UPP2: variants seen among roughly 807,000 people sequenced by gnomAD.
The protein encoded by UPP2 is UPase 2.
In UPP2, 23 loss-of-function variants were observed where a neutral mutation model predicts 26.7. The observed-to-expected ratio is 0.86, with a 90% CI of 0.62 to 1.22. UPP2 has a LOEUF of 1.22. Ranked by LOEUF, UPP2 falls within the 50% of genes most tolerant of loss-of-function variation. UPP2 has a pLI of 0.00. For missense variants in UPP2, 387 were observed against 396.7 expected (o/e 0.98, Z 0.21); for synonymous variants, 127 against 141.3 (o/e 0.90, Z 0.72).
chr2:158,052,554 G>T (rs944453296), intron 3 of UPP2, among the ~76,000 whole-genome samples: 2 of 152,176 alleles, frequency 1.3e-5, no homozygotes, highest in Non-Finnish European at 2.9e-5. Flanking sequence ...GGTATTGAAT[G>T]ACTGAATTGG....
At chr2:158,115,367 A>G in intron 3 of UPP2, 108 bp downstream of exon 3, 2 of 1,348,968 alleles carry the variant, frequency 1.5e-6, no homozygotes, top group African/African-American at 1.5e-5. Context: ...TTCTTACACA[A>G]TCAAACAAGG....
At chr2:158,108,500 T>C (rs2105216447) in intron 2 of UPP2, among the ~76,000 whole-genome samples, 1 of 152,264 alleles carries the variant, frequency 6.6e-6, no homozygotes, top group Middle Eastern at 3.4e-3. Context: ...TTTTTAGTAC[T>C]CCAAGTATTA....
At chr2:157,996,455 T>C (rs1683325805) in intron 2 of UPP2, among the ~76,000 whole-genome samples, 1 of 152,214 alleles carries the variant, frequency 6.6e-6, no homozygotes, top group Non-Finnish European at 1.5e-5. Flanking sequence ...AAGTCAGTGT[T>C]AGTCATGTTG....
chr2:158,089,165 G>T lies in UPP2; in HGVS notation c.148-12875G>T, dbSNP rs369916407. 2.6e-5 allele frequency among the ~76,000 whole-genome samples: 4 copies of T among 152,190 alleles called. No homozygotes were observed. In the East Asian group the frequency reaches 5.8e-4, roughly 22 times the overall value. The stretch of plus-strand genomic sequence containing the variant: ...CTTGTGGGGTCTTGCAGTGGCTGCT[G>T]GGGGGATAGGGGTGTGGTTCTCAGG... On this transcript the variant is annotated intron_variant, in intron 3 of 9. Transcript: ENST00000605860.
chr2:158,030,141 T>C (rs1683902613), intron 3 of UPP2, among the ~76,000 whole-genome samples: 1 of 152,182 alleles, frequency 6.6e-6, no homozygotes, highest in Non-Finnish European at 1.5e-5. Flanking sequence ...CAATGTGCTC[T>C]GGACAAGTTG....
At chr2:158,033,934 C>T (rs1683963207) in intron 3 of UPP2, among the ~76,000 whole-genome samples, 1 of 152,130 alleles carries the variant, frequency 6.6e-6, no homozygotes, top group Admixed American at 6.5e-5. Flanking sequence ...CAAAGACAAC[C>T]AGATGTTTTG....
rs767215959 is a variant in UPP2 at position 158,115,073 on chromosome 2, G to C, written c.181-28G>C. The C allele has an allele frequency of 2.5e-6, 4 of 1,572,362 alleles. No individual in the cohort carries two copies. In the East Asian group the frequency reaches 9.0e-5, roughly 35 times the overall value. ...CGTGGTTCTTATCCCAGTTACTATG[G>C]CAGGCCCTTGTTTATTTTTATTAAC... On this transcript the variant is annotated intron_variant, in intron 2 of 6. Coordinates refer to ENST00000005756, the MANE Select transcript of UPP2 (RefSeq NM_173355.4).
intron 3 of UPP2, among the ~76,000 whole-genome samples, chr2:158,055,148 G>A (rs922264820): frequency 3.3e-5 from 5 of 152,198 alleles, no homozygotes; most frequent in South Asian, 2.1e-4. Context: ...TTGAAGGGTC[G>A]CATCTGGTGA....
At chr2:158,126,784 T>C (rs1332080605) in intron 6 of UPP2, 1 of 152,074 alleles carries the variant, frequency 6.6e-6, no homozygotes, top group South Asian at 2.1e-4. Context: ...TGGTAAGCAA[T>C]ATGGAAAAAA....
chr2:158,028,632 AC>A (rs1683872995), intron 3 of UPP2, among the ~76,000 whole-genome samples: 1 of 152,122 alleles, frequency 6.6e-6, no homozygotes, highest in Non-Finnish European at 1.5e-5. Context: ...TTTCAGCAAC[AC>A]CCCATTTCTG....
intron 3 of UPP2, among the ~76,000 whole-genome samples, chr2:158,048,126 C>A (rs1682069579): frequency 6.6e-6 from 1 of 152,174 alleles, no homozygotes; most frequent in Admixed American, 6.5e-5. Flanking sequence ...GGGCACTAAA[C>A]AGTACTAGAC....
Position 158,013,012 on chromosome 2 carries a change from A to AT in UPP2, c.62-2778dup, listed in dbSNP as rs555978645. On this transcript the variant is annotated intron_variant, in intron 2 of 9. Coordinates refer to the UPP2 transcript ENST00000605860. ...TCGAATTTAAGCTATTGTTATTATT[A>AT]TTTTTTTTTTTGAAATAGATTCTTG... Among the ~76,000 whole-genome samples the AT allele has an allele frequency of 1.3e-3, 199 of 148,542 alleles. 5 individuals are homozygous for AT. In the South Asian group the frequency reaches 0.021, roughly 16 times the overall value.
chr2:158,081,803 C>A (rs560716251), intron 3 of UPP2, among the ~76,000 whole-genome samples: 2 of 149,930 alleles, frequency 1.3e-5, no homozygotes, highest in African/African-American at 2.5e-5. Flanking sequence ...TTACCAGAGG[C>A]TAAAAGGGGT....
chr2:157,997,946 A>G (rs1683347635), intron 2 of UPP2, among the ~76,000 whole-genome samples: 1 of 152,222 alleles, frequency 6.6e-6, no homozygotes, highest in African/African-American at 2.4e-5. Flanking sequence ...CATGCCCCAA[A>G]CATTTCAAGA....
intron 2 of UPP2, among the ~76,000 whole-genome samples, chr2:158,011,625 G>A (rs1370812492): frequency 6.6e-6 from 1 of 151,276 alleles, no homozygotes; most frequent in Non-Finnish European, 1.5e-5. Flanking sequence ...GAGGATGTAG[G>A]GTCATGTGAA....
At chr2:158,006,968 G>A (rs547844745) in intron 2 of UPP2, among the ~76,000 whole-genome samples, 10 of 152,202 alleles carry the variant, frequency 6.6e-5, no homozygotes, top group Non-Finnish European at 1.0e-4. Context: ...GCAAAGCCTA[G>A]TGAGGAGATT....
intron 3 of UPP2, among the ~76,000 whole-genome samples, chr2:158,072,004 G>A (rs1682550354): frequency 6.6e-6 from 1 of 152,158 alleles, no homozygotes; most frequent in African/African-American, 2.4e-5. Flanking sequence ...CTACAGTAGA[G>A]TAGAATATCA....
chr2:158,090,884 C>T (rs554796107), intron 3 of UPP2, among the ~76,000 whole-genome samples: 2 of 152,278 alleles, frequency 1.3e-5, no homozygotes, highest in African/African-American at 4.8e-5. Flanking sequence ...AGGATGTATA[C>T]ACAGGGTCCT....
chr2:158,067,212 G>T (rs1029081768), intron 3 of UPP2, among the ~76,000 whole-genome samples: 31 of 152,046 alleles, frequency 2.0e-4, no homozygotes, highest in Non-Finnish European at 5.9e-5. Context: ...TGATAAAATG[G>T]TGATGTGTAT....
Sources: gnomAD v4.1 joint callset for allele counts (sites outside exome capture counted in the v4.1 genomes callset) on GRCh38, gnomAD v4.1.1 for gene constraint, MANE v1.5 for transcripts, NCBI Gene and HGNC (gene_info 2026-07-23, HGNC 2026-07-21) for gene names.